Variants in FSTL5 observed in about 807,000 individuals in gnomAD.
FSTL5 encodes follistatin-related protein 5.
Under a neutral mutation model 89.1 loss-of-function variants are expected in FSTL5, and 62 were observed. The observed-to-expected ratio is 0.70, with a 90% CI of 0.57 to 0.86. The LOEUF is 0.86. FSTL5 is among the 40% of genes least tolerant of loss of function. The probability of loss-of-function intolerance (pLI) is 0.00; values close to 1 mark genes in which losing one functional copy is unlikely to be tolerated. For synonymous variants in FSTL5, 383 were observed against 346.2 expected, an observed-to-expected ratio of 1.11 and a Z score of -1.18; for missense variants, 1,057 against 1,001.6, an observed-to-expected ratio of 1.06 and a Z score of -0.75.
intron 1 of FSTL5, among the ~76,000 whole-genome samples, chr4:162,153,198 T>C (rs76104781): frequency 0.23 from 35,346 of 151,898 alleles, 4,326 homozygotes; most frequent in Non-Finnish European, 0.26. Flanking sequence ...GTCCCTGAGG[T>C]TTACTAATGT....
chr4:161,610,534 A>C (rs6536601), intron 7 of FSTL5, among the ~76,000 whole-genome samples: 101,431 of 151,926 alleles, frequency 0.67, 34,159 homozygotes, highest in African/African-American at 0.74. Context: ...ATGACCAAGG[A>C]CAATATATAA....
At chr4:161,996,566 C>T (rs1736302806) in intron 3 of FSTL5, among the ~76,000 whole-genome samples, 2 of 152,196 alleles carry the variant, frequency 1.3e-5, no homozygotes, top group Admixed American at 1.3e-4. Context: ...ATATTGTGGC[C>T]AATGCATTCT....
At chr4:162,046,390 G>A (rs1005376452) in intron 2 of FSTL5, among the ~76,000 whole-genome samples, 1 of 152,102 alleles carries the variant, frequency 6.6e-6, no homozygotes, top group African/African-American at 2.4e-5. Context: ...ATTAAAGGAT[G>A]GCAAAGTAAT....
intron 4 of FSTL5, among the ~76,000 whole-genome samples, chr4:161,899,190 A>T (rs893556930): frequency 7.2e-5 from 11 of 152,282 alleles, no homozygotes; most frequent in African/African-American, 2.6e-4. Flanking sequence ...TTGAAAAAGA[A>T]GTTTTTCCAC....
At chr4:161,743,551 T>C (rs902818549) in intron 6 of FSTL5, among the ~76,000 whole-genome samples, 3 of 152,130 alleles carry the variant, frequency 2.0e-5, no homozygotes, top group Admixed American at 2.0e-4. Flanking sequence ...CGATTCCATA[T>C]GAACTTTAGT....
At chr4:161,865,318 C>T (rs1253468903) in intron 4 of FSTL5, among the ~76,000 whole-genome samples, 2 of 152,174 alleles carry the variant, frequency 1.3e-5, no homozygotes, top group Non-Finnish European at 2.9e-5. Context: ...GTCCACATAT[C>T]CCTTATGCAG....
chr4:161,386,517 A>G, intron 15 of FSTL5, 68 bp from the exon 16 acceptor site: 1 of 1,098,750 alleles, frequency 9.1e-7, no homozygotes. Context: ...AAAAAACTAG[A>G]TACAGGTGGA....
chr4:161,726,229 T>TTC (rs1312941460), intron 6 of FSTL5, among the ~76,000 whole-genome samples: 77 of 133,640 alleles, frequency 5.8e-4, no homozygotes, highest in South Asian at 2.0e-3. Flanking sequence ...TTCTTTTTCT[T>TTC]TTTTTTTTTT....
chr4:162,102,413 G>T (rs1174560185), intron 2 of FSTL5, among the ~76,000 whole-genome samples: 2 of 150,878 alleles, frequency 1.3e-5, no homozygotes, highest in Non-Finnish European at 3.0e-5. Flanking sequence ...AAAGTCAAAC[G>T]TGTATAGTAT....
At chr4:161,749,801 A>T (rs185539025) in intron 6 of FSTL5, among the ~76,000 whole-genome samples, 7 of 151,262 alleles carry the variant, frequency 4.6e-5, no homozygotes, top group Non-Finnish European at 8.8e-5. Context: ...AAAAAAAAAT[A>T]AAAATAAAAA....
At chr4:161,713,453 C>T (rs553677535) in intron 6 of FSTL5, among the ~76,000 whole-genome samples, 1 of 152,236 alleles carries the variant, frequency 6.6e-6, no homozygotes, top group Admixed American at 6.5e-5. Flanking sequence ...TGTGACTTTA[C>T]TTTGAAAAGC....
intron 7 of FSTL5, among the ~76,000 whole-genome samples, chr4:161,647,745 G>A (rs1048305147): frequency 4.6e-5 from 7 of 152,170 alleles, no homozygotes; most frequent in African/African-American, 1.7e-4. Flanking sequence ...CTGGGTAGAA[G>A]AGGGTATGGT....
At chr4:162,046,010 C>T (rs145821111) in intron 2 of FSTL5, among the ~76,000 whole-genome samples, 101 of 152,068 alleles carry the variant, frequency 6.6e-4, no homozygotes, top group African/African-American at 2.2e-3. Flanking sequence ...TTTAGATATC[C>T]TGTCTATCTC....
At chr4:161,680,266 T>G (rs1247470169) in intron 6 of FSTL5, among the ~76,000 whole-genome samples, 5 of 151,884 alleles carry the variant, frequency 3.3e-5, no homozygotes, top group Non-Finnish European at 7.4e-5. Flanking sequence ...ATATTTTGCT[T>G]GTTACATTGC....
chr4:161,994,157 T>G (rs1437574015), intron 3 of FSTL5, among the ~76,000 whole-genome samples: 1 of 152,216 alleles, frequency 6.6e-6, no homozygotes, highest in Non-Finnish European at 1.5e-5. Flanking sequence ...TTTGGTTTTC[T>G]GTTCCTATGT....
chr4:161,537,880 A>T (rs1184947988), intron 10 of FSTL5, among the ~76,000 whole-genome samples: 2 of 152,182 alleles, frequency 1.3e-5, no homozygotes, highest in African/African-American at 2.4e-5. Flanking sequence ...ATTTTGCAAG[A>T]GATATAAATT....
intron 2 of FSTL5, among the ~76,000 whole-genome samples, chr4:162,107,433 C>T (rs1007973948): frequency 6.6e-6 from 1 of 152,124 alleles, no homozygotes; most frequent in African/African-American, 2.4e-5. Flanking sequence ...TCTGAGTACA[C>T]TAATTCTAAA....
intron 8 of FSTL5, among the ~76,000 whole-genome samples, chr4:161,583,132 C>T (rs1295526529): frequency 2.0e-5 from 3 of 152,042 alleles, no homozygotes; most frequent in Admixed American, 6.5e-5. Context: ...ACCCAGGGGG[C>T]GGAGGTTGCA....
chr4:162,040,350 G>T (rs1482064441), intron 2 of FSTL5, among the ~76,000 whole-genome samples: 4 of 151,976 alleles, frequency 2.6e-5, no homozygotes, highest in Non-Finnish European at 4.4e-5. Flanking sequence ...AGTAGATCCA[G>T]TCTCCAATAA....
Sources: allele counts gnomAD v4.1 joint callset (sites outside exome capture counted in the v4.1 genomes callset), GRCh38; gene constraint gnomAD v4.1.1; transcripts MANE v1.5; gene names NCBI Gene and HGNC (gene_info 2026-07-23, HGNC 2026-07-21).